GAS7: variants seen among roughly 807,000 people sequenced by gnomAD.
The protein encoded by GAS7 is growth arrest specific 7, also known as growth arrest-specific protein 7.
In GAS7, 28 loss-of-function variants were observed where a neutral mutation model predicts 71.1. The observed-to-expected ratio is 0.39, with a 90% CI of 0.29 to 0.54. The LOEUF (loss-of-function observed/expected upper bound fraction) is 0.54. Ranked by LOEUF, GAS7 falls within the 20% of genes least tolerant of loss-of-function variation. GAS7 has a pLI of 0.62. For missense variants in GAS7, 436 were observed against 627.8 expected, an observed-to-expected ratio of 0.69 and a Z score of 3.27; for synonymous variants, 258 against 245.8, an observed-to-expected ratio of 1.05 and a Z score of -0.46.
intron 1 of GAS7, among the ~76,000 whole-genome samples, chr17:10,048,833 C>A (rs1449794127): frequency 1.3e-5 from 2 of 152,172 alleles, no homozygotes; most frequent in Non-Finnish European, 2.9e-5. Context: ...AAATACAATG[C>A]ATATGTAAGT....
At chr17:10,074,026 C>T (rs1284208588) in intron 1 of GAS7, among the ~76,000 whole-genome samples, 5 of 152,174 alleles carry the variant, frequency 3.3e-5, no homozygotes, top group African/African-American at 1.2e-4. Context: ...AGATGAATGA[C>T]CCCAGCCCTG....
intron 5 of GAS7, among the ~76,000 whole-genome samples, chr17:9,955,834 T>C (rs932642479): frequency 6.6e-5 from 10 of 151,356 alleles, no homozygotes; most frequent in Non-Finnish European, 1.2e-4. Context: ...CAAAGCCGCG[T>C]CTTCGCTCTT....
chr17:10,051,817 A>G lies in GAS7; in HGVS notation c.184-31920T>C, dbSNP rs186642456. On this transcript the variant is annotated intron_variant, in intron 1 of 13. Coordinates refer to ENST00000432992, the MANE Select transcript of GAS7 (RefSeq NM_201433.2). ...GATCGCTCAAGCTCCCAAAAATGAG[A>G]CAGGCTGGATAACAGGCAGGAAAAA... Among the ~76,000 whole-genome samples the G allele has an allele frequency of 2.6e-5, 4 of 152,274 alleles. No homozygotes were observed. In the East Asian group the frequency reaches 7.7e-4, roughly 29 times the overall value.
intron 2 of GAS7, among the ~76,000 whole-genome samples, chr17:9,990,666 T>C (rs186027266): frequency 1.1e-3 from 175 of 152,314 alleles, no homozygotes; most frequent in African/African-American, 4.0e-3. Context: ...TCCTTCATCA[T>C]AGAGAGCAGC....
intron 1 of GAS7, among the ~76,000 whole-genome samples, chr17:10,052,862 C>T (rs2073081405): frequency 6.6e-6 from 1 of 152,218 alleles, no homozygotes; most frequent in Admixed American, 6.5e-5. Context: ...CCACACCTCA[C>T]CCCCACAGCG....
In GAS7 at chr17:9,914,750, T is replaced by G. The variant is rs2067536204; in HGVS notation, c.*2478A>C. On this transcript the variant is annotated 3_prime_UTR_variant, in exon 14 of 14. Transcript: ENST00000432992. ...CTTATTATACTCTTCTCAGTCGACA[T>G]GGAGAATAGAGGAGAGCAGAGGAAT... is the stretch of plus-strand genomic sequence containing the variant. 4.5e-6 allele frequency: 1 copy of G among 224,636 alleles called. No individual in the cohort carries two copies. Among genetic ancestry groups the G allele is most frequent in the South Asian group, 1.8e-4 (1 of 5,456 alleles). 13.9% of individuals were successfully genotyped at this position (224,636 alleles called of 1,614,324 possible). A position where few individuals can be genotyped will look rare whatever the true frequency, so the allele number is the denominator to read the frequency against.
intron 1 of GAS7, among the ~76,000 whole-genome samples, chr17:10,049,977 TC>T (rs2073040763): frequency 6.6e-6 from 1 of 152,180 alleles, no homozygotes; most frequent in Non-Finnish European, 1.5e-5. Flanking sequence ...TACTATATGA[TC>T]CCAATTGTGG....
intron 1 of GAS7, among the ~76,000 whole-genome samples, chr17:10,106,676 C>T (rs1023408676): frequency 1.3e-5 from 2 of 152,180 alleles, no homozygotes; most frequent in Non-Finnish European, 2.9e-5. Context: ...ATTCCAGCAA[C>T]TCAGAACTCC....
intron 9 of GAS7, among the ~76,000 whole-genome samples, chr17:9,929,446 C>T (rs975261382): frequency 1.3e-5 from 2 of 152,150 alleles, no homozygotes; most frequent in African/African-American, 2.4e-5. Flanking sequence ...CTGGCATCTC[C>T]ATCTCGCTAC....
chr17:10,185,918 G>A (rs898563669), intron 1 of GAS7, among the ~76,000 whole-genome samples: 1 of 150,284 alleles, frequency 6.7e-6, no homozygotes, highest in Non-Finnish European at 1.5e-5. Context: ...TCAGATTCAG[G>A]TTTCCACTTC....
chr17:9,914,357 G>A lies in GAS7; in HGVS notation c.*2871C>T, dbSNP rs769781882. ...TTCTACTGCCTCAGCCTGCCGAATA[G>A]TTGGGACTACAGGTGTGCACCACCA... On this transcript the variant is annotated 3_prime_UTR_variant, in exon 14 of 14. Coordinates refer to ENST00000432992, the MANE Select transcript of GAS7 (RefSeq NM_201433.2). The A allele has an allele frequency of 1.8e-4, 32 of 182,622 alleles. No homozygotes were observed. Among genetic ancestry groups the A allele is most frequent in the Non-Finnish European group, 3.3e-4 (28 of 85,888 alleles). The allele number at this position is 182,622 out of a possible 1,614,324, so 11.3% of individuals were successfully genotyped here.
chr17:10,180,841 A>G (rs901789122), intron 1 of GAS7, among the ~76,000 whole-genome samples: 1 of 152,044 alleles, frequency 6.6e-6, no homozygotes, highest in African/African-American at 2.4e-5. Context: ...TCTGGTATTC[A>G]TCGGCACCAT....
chr17:10,091,764 C>T (rs35112841), intron 1 of GAS7, among the ~76,000 whole-genome samples: 15,424 of 152,024 alleles, frequency 0.1, 985 homozygotes, highest in East Asian at 0.23. Context: ...TCACTGCAGC[C>T]GCGACCTCCT....
chr17:9,973,108 C>G (rs1044268554), intron 3 of GAS7, among the ~76,000 whole-genome samples: 1 of 152,208 alleles, frequency 6.6e-6, no homozygotes, highest in Middle Eastern at 3.4e-3. Context: ...AACGGGAGAC[C>G]ATTAGCAAAC....
chr17:10,149,746 G>A (rs989161158), intron 1 of GAS7, among the ~76,000 whole-genome samples: 12 of 152,136 alleles, frequency 7.9e-5, no homozygotes, highest in East Asian at 7.7e-4. Flanking sequence ...CGGGATAATG[G>A]AATATTATTC....
intron 2 of GAS7, 24 bp downstream of exon 2, chr17:10,019,753 G>A (rs774297793): frequency 6.2e-7 from 1 of 1,605,696 alleles, no homozygotes; most frequent in African/African-American, 1.3e-5. Flanking sequence ...GTTGGTGCAG[G>A]ATTCTCCCCC....
At chr17:10,101,830 T>C (rs1292891223) in intron 1 of GAS7, among the ~76,000 whole-genome samples, 2 of 152,192 alleles carry the variant, frequency 1.3e-5, no homozygotes, top group Non-Finnish European at 2.9e-5. Context: ...CCAGGACCCA[T>C]CTAAGTTGGC....
intron 1 of GAS7, among the ~76,000 whole-genome samples, chr17:10,160,133 T>G (rs1475410597): frequency 6.6e-6 from 1 of 152,136 alleles, no homozygotes; most frequent in Non-Finnish European, 1.5e-5. Flanking sequence ...CTTGAACTCC[T>G]GAGCTCAAGC....
chr17:10,127,368 C>A (rs1033414421), intron 1 of GAS7, among the ~76,000 whole-genome samples: 2 of 152,106 alleles, frequency 1.3e-5, no homozygotes, highest in African/African-American at 4.8e-5. Flanking sequence ...CCAAACATGG[C>A]CCAGGAAGTG....
Sources: allele counts gnomAD v4.1 joint callset (sites outside exome capture counted in the v4.1 genomes callset), GRCh38; gene constraint gnomAD v4.1.1; transcripts MANE v1.5; gene names NCBI Gene and HGNC (gene_info 2026-07-23, HGNC 2026-07-21).